Variants in GET4 observed in about 807,000 individuals in gnomAD.
GET4 encodes Golgi to ER traffic protein 4 homolog.
GET4 carries 20 observed loss-of-function variants against 40.0 expected under a neutral mutation model. The observed-to-expected ratio is 0.50, with a 90% confidence interval of 0.35 to 0.73. The LOEUF (loss-of-function observed/expected upper bound fraction) is 0.73. Among genes scored for constraint, GET4 ranks in the 30% least tolerant of loss-of-function variants. The pLI is 0.01. For missense variants in GET4, 557 were observed against 454.0 expected (o/e 1.23, Z -2.06); for synonymous variants, 280 against 194.6 (o/e 1.44, Z -3.65).
intron 1 of GET4, chr7:880,249 G>A (rs1844057195): frequency 6.6e-6 from 1 of 152,474 alleles, no homozygotes; most frequent in African/African-American, 2.4e-5. Flanking sequence ...GCTGAGGCAG[G>A]AGAATCGCTT....
intron 8 of GET4, 59 bp from the exon 9 acceptor site, chr7:895,275 G>T: frequency 1.2e-6 from 1 of 812,880 alleles, no homozygotes; most frequent in Non-Finnish European, 2.1e-6. Context: ...GGGAAGGAGG[G>T]GCTTGGGGGC....
At position 895,501 on chromosome 7, in the gene GET4, C is replaced by A; in HGVS notation, c.*79C>A. 1.4e-6 allele frequency: 1 copy of A among 707,806 alleles called. No homozygotes were observed. The highest frequency in any genetic ancestry group is 1.8e-5 in the South Asian group (1 of 56,868). 43.8% of individuals were successfully genotyped at this position (707,806 alleles called of 1,614,324 possible). A position where few individuals can be genotyped will look rare whatever the true frequency, so the allele number is the denominator to read the frequency against. On this transcript the variant is annotated 3_prime_UTR_variant, in exon 9 of 9. Coordinates refer to ENST00000265857, the MANE Select transcript of GET4 (RefSeq NM_015949.3). ...CAGAGGCGAGTCCTGGGTGGCTCCT[C>A]GCCTTGGGGGCTCCTGGCCCTGAGG...
Position 893,905 on chromosome 7 carries a change from G to A in GET4, c.829G>A (p.Asp277Asn), listed in dbSNP as rs764855932. The change falls in exon 8 of 9, where the codon GAC becomes AAC. Residue 277 changes from aspartate to asparagine, a missense_variant. Asp to Asn is a conservative substitution (Grantham distance 23, BLOSUM62 1). Transcript: ENST00000265857. ...CGCTGCCTGTGCCTTGCAGTACCTC[G>A]ACCGCATAGGACAGCTGTTCTTCGG... is the stretch of plus-strand genomic sequence containing the variant. Reference protein sequence around the residue: ...RRDPMYNEYLDRIGQLFFGVP... With the variant: ...RRDPMYNEYLNRIGQLFFGVP... 1.6e-5 allele frequency: 26 copies of A among 1,610,862 alleles called. No individual in the cohort carries two copies. Among genetic ancestry groups the A allele is most frequent in the Admixed American group, 8.4e-5 (5 of 59,860 alleles).
At chr7:884,764 T>A (rs1281133622) in intron 1 of GET4, 1 of 160,576 alleles carries the variant, frequency 6.2e-6, no homozygotes, top group Non-Finnish European at 1.4e-5. Context: ...TGGCTCTTTA[T>A]CACCTCCACT....
chr7:889,512 G>A (rs1266714295), intron 4 of GET4, among the ~76,000 whole-genome samples: 2 of 152,138 alleles, frequency 1.3e-5, no homozygotes, highest in African/African-American at 4.8e-5. Context: ...CAGCGGGAGG[G>A]CCCTGGAGGC....
rs1844482062 is a variant in GET4, at chr7:896,041, CCCAGAGCTGCGCCCTGCTGGTCTCTGTG to C, written c.*620_*647del. The C allele has an allele frequency of 6.6e-6, 1 of 152,204 alleles. No homozygotes were observed. The highest frequency in any genetic ancestry group is 1.5e-5 in the Non-Finnish European group (1 of 68,036). The allele number at this position is 152,204 out of a possible 1,614,324, so 9.4% of individuals were successfully genotyped here. On this transcript the variant is annotated 3_prime_UTR_variant, in exon 9 of 9. Transcript: ENST00000265857. ...CTTGCAGCTGTGTCCCATGTGGCATCCCAGAGCTGCGCCCTGCTGGTCTCTGTGAGCGCCACGCTGCTGTGCTGGAAAT... is the reference window on the plus strand; with the variant it reads ...CTTGCAGCTGTGTCCCATGTGGCATCAGCGCCACGCTGCTGTGCTGGAAAT...
intron 1 of GET4, chr7:882,260 G>A (rs1844101400): frequency 6.6e-6 from 1 of 152,198 alleles, no homozygotes; most frequent in Admixed American, 6.5e-5. Flanking sequence ...CTGCTTTCCA[G>A]GATGGTTCAA....
intron 5 of GET4, 149 bp downstream of exon 5, chr7:891,215 G>A (rs997047000): frequency 1.6e-6 from 1 of 606,610 alleles, no homozygotes; most frequent in Non-Finnish European, 2.9e-6. Context: ...TTGTCAGCCT[G>A]ACCCATGATT....
rs896733344 is a variant in GET4 at position 883,547 on chromosome 7, T to G, written c.156-2509T>G. On this transcript the variant is annotated intron_variant, in intron 1 of 8. Coordinates refer to ENST00000265857, the MANE Select transcript of GET4 (RefSeq NM_015949.3). ...ACTTTGCTCTGTGGATACAGATGTT[T>G]TGGCCGGCAGAGAGCACCAGCGCTC... The G allele has an allele frequency of 6.1e-6, 6 of 985,272 alleles. No homozygotes were observed. The African/African-American group carries it at 1.0e-4, about 17-fold the overall frequency. 61.0% of individuals were successfully genotyped at this position (985,272 alleles called of 1,614,324 possible). A position where few individuals can be genotyped will look rare whatever the true frequency, so the allele number is the denominator to read the frequency against.
intron 2 of GET4, 161 bp from the exon 3 acceptor site, chr7:886,408 A>C (rs764329769): frequency 6.4e-5 from 41 of 641,040 alleles, no homozygotes; most frequent in Non-Finnish European, 1.1e-4. Flanking sequence ...CTCGGCCAGG[A>C]GCTCTCTTTT....
chr7:893,773 G>A lies in GET4; in HGVS notation c.780G>A (p.Glu260=). ...TGACGGTGTTCACTGTGCTGTGTGA[G>A]CAGTACCAGCCATCCCTCCGGCGGG... ...GKLTVFTVLC[E]QYQPSLRRDP... Residue 260 remains glutamate (E), a synonymous_variant, in exon 7 of 9, where the codon GAG becomes GAA. Transcript: ENST00000265857. 2 of 1,610,948 alleles carry A rather than the reference G, an allele frequency of 1.2e-6. No individual in the cohort carries two copies. Among genetic ancestry groups the A allele is most frequent in the African/African-American group, 1.3e-5 (1 of 74,934 alleles).
chr7:892,533 G>C, intron 6 of GET4, 115 bp downstream of exon 6: 2 of 1,142,156 alleles, frequency 1.8e-6, no homozygotes, highest in Non-Finnish European at 2.5e-6. Context: ...GTGGGTAGCC[G>C]TGTGGGTATA....
chr7:886,088 G>T lies in GET4; in HGVS notation c.188G>T (p.Arg63Leu). 1.2e-6 allele frequency: 2 copies of T among 1,610,350 alleles called. No homozygotes were observed. The highest frequency in any genetic ancestry group is 1.7e-6 in the Non-Finnish European group (2 of 1,177,916). The change falls in exon 2 of 9, where the codon CGG (arginine) becomes CTG (leucine). Residue 63 changes from arginine to leucine, a missense_variant. Transcript: ENST00000265857. ...YMSQSKHTEARELMYSGALLF... is the reference protein window; with the variant it reads ...YMSQSKHTEALELMYSGALLF... ...TCCCAGAGCAAGCACACGGAGGCCCGGGAGCTCATGTACTCGGGAGCCCTG... is the reference window on the plus strand; with the variant it reads ...TCCCAGAGCAAGCACACGGAGGCCCTGGAGCTCATGTACTCGGGAGCCCTG...
At chr7:883,882 G>A in intron 1 of GET4, 1 of 1,024,340 alleles carries the variant, frequency 9.8e-7, no homozygotes, top group Non-Finnish European at 1.2e-6. Context: ...CTGGAAACGG[G>A]TGCCCCCAGC....
chr7:886,205 C>G, intron 2 of GET4, 71 bp downstream of exon 2: 1 of 979,686 alleles, frequency 1.0e-6, no homozygotes, highest in Non-Finnish European at 1.6e-6. Context: ...AATGACCTCC[C>G]ACCTCCACTG....
At chr7:882,829 T>C (rs1255991376) in intron 1 of GET4, 1 of 152,338 alleles carries the variant, frequency 6.6e-6, no homozygotes, top group Non-Finnish European at 1.5e-5. Flanking sequence ...GCCTTGGCTG[T>C]AGTATTTGTA....
rs369008548 is a variant in GET4 at position 895,667 on chromosome 7, A to G, written c.*245A>G. 3 of 387,088 alleles carry G rather than the reference A, an allele frequency of 7.8e-6. No homozygotes were observed. The highest frequency in any genetic ancestry group is 4.2e-5 in the South Asian group (1 of 23,632). 24.0% of individuals were successfully genotyped at this position (387,088 alleles called of 1,614,324 possible). A position where few individuals can be genotyped will look rare whatever the true frequency, so the allele number is the denominator to read the frequency against. On this transcript the variant is annotated 3_prime_UTR_variant, in exon 9 of 9. Transcript: ENST00000265857. ...CCGCGTCCCCCGAGATTGACCCACA[A>G]TAAAGCACAGGCCTTACCGCGGCGT... is the stretch of plus-strand genomic sequence containing the variant.
At chr7:887,114 G>A in intron 3 of GET4, 1 of 657,292 alleles carries the variant, frequency 1.5e-6, no homozygotes. Context: ...CTGGACTCCA[G>A]CTCCCCACGG....
In GET4 at chr7:895,675, C is replaced by G; in HGVS notation, c.*253C>G. 2.9e-6 allele frequency: 1 copy of G among 339,644 alleles called. No individual in the cohort carries two copies. The allele number at this position is 339,644 out of a possible 1,614,324, so 21.0% of individuals were successfully genotyped here. ...CCCGAGATTGACCCACAATAAAGCA[C>G]AGGCCTTACCGCGGCGTCACCCTCT... is the stretch of plus-strand genomic sequence containing the variant. On this transcript the variant is annotated 3_prime_UTR_variant, in exon 9 of 9. Coordinates refer to ENST00000265857, the MANE Select transcript of GET4 (RefSeq NM_015949.3).
Sources: gnomAD v4.1 joint callset for allele counts (sites outside exome capture counted in the v4.1 genomes callset) on GRCh38, gnomAD v4.1.1 for gene constraint, MANE v1.5 for transcripts, NCBI Gene and HGNC (gene_info 2026-07-23, HGNC 2026-07-21) for gene names.